PLXNA4: variants seen among roughly 807,000 people sequenced by gnomAD.
PLXNA4 encodes plexin-A4.
Under a neutral mutation model 191.8 loss-of-function variants are expected in PLXNA4, and 44 were observed. The observed-to-expected ratio is 0.23, with a 90% confidence interval of 0.18 to 0.29. PLXNA4 has a LOEUF of 0.29. Ranked by LOEUF, PLXNA4 falls within the 10% of genes least tolerant of loss-of-function variation. The probability of loss-of-function intolerance (pLI) is 1.00; values close to 1 mark genes in which losing one functional copy is unlikely to be tolerated. For missense variants in PLXNA4, 1,800 were observed against 2,488.8 expected, an observed-to-expected ratio of 0.72 and a Z score of 5.89; for synonymous variants, 1,082 against 1,009.5, an observed-to-expected ratio of 1.07 and a Z score of -1.36.
At chr7:132,317,981 C>T (rs1802011847) in intron 3 of PLXNA4, among the ~76,000 whole-genome samples, 1 of 152,220 alleles carries the variant, frequency 6.6e-6, no homozygotes, top group Non-Finnish European at 1.5e-5. Context: ...TCTGAGAGCG[C>T]AAGAATCTGT....
intron 2 of PLXNA4, among the ~76,000 whole-genome samples, chr7:132,506,316 T>C (rs986232324): frequency 6.6e-6 from 1 of 152,178 alleles, no homozygotes; most frequent in African/African-American, 2.4e-5. Flanking sequence ...AAAGGAAATT[T>C]ACACTTTTTT....
intron 3 of PLXNA4, among the ~76,000 whole-genome samples, chr7:132,413,026 T>G (rs1469139872): frequency 6.9e-6 from 1 of 145,338 alleles, no homozygotes. Flanking sequence ...AGATGGGGGG[T>G]GGAGAGAGAA....
intron 9 of PLXNA4, among the ~76,000 whole-genome samples, chr7:132,216,966 CA>C (rs1334294743): frequency 6.6e-6 from 1 of 152,172 alleles, no homozygotes; most frequent in Non-Finnish European, 1.5e-5. Flanking sequence ...ACATGCATGC[CA>C]AAAGAACCCA....
chr7:132,285,848 G>T (rs549345321), intron 4 of PLXNA4, among the ~76,000 whole-genome samples: 1 of 152,280 alleles, frequency 6.6e-6, no homozygotes, highest in East Asian at 1.9e-4. Flanking sequence ...GGGGACAGGG[G>T]AGTGGGTTGG....
chr7:132,304,459 C>T (rs903734237), intron 3 of PLXNA4, among the ~76,000 whole-genome samples: 1 of 152,164 alleles, frequency 6.6e-6, no homozygotes, highest in African/African-American at 2.4e-5. Context: ...TTTAATCTGA[C>T]CCAATATACC....
chr7:132,210,659 C>T (rs1054970678), intron 10 of PLXNA4, among the ~76,000 whole-genome samples: 22 of 152,192 alleles, frequency 1.4e-4, no homozygotes, highest in African/African-American at 4.1e-4. Flanking sequence ...CACAGCTCCA[C>T]GGCTGGTCCA....
In PLXNA4 at chr7:132,182,086, C is replaced by T. The variant is rs1318070488; in HGVS notation, c.3252+11G>A. ...GGCAGCCTCCATGAACCCCATCAGC[C>T]CTACACTCACATTGATGTGCTCCTT... On this transcript the variant is annotated intron_variant, in intron 17 of 31. Coordinates refer to ENST00000321063, the MANE Select transcript of PLXNA4 (RefSeq NM_020911.2). 1 of 1,614,148 alleles carries T rather than the reference C, an allele frequency of 6.2e-7. No individual in the cohort carries two copies.
chr7:132,445,835 T>C (rs1412798303), intron 3 of PLXNA4, among the ~76,000 whole-genome samples: 1 of 152,188 alleles, frequency 6.6e-6, no homozygotes, highest in Non-Finnish European at 1.5e-5. Context: ...CAGCCCTCAC[T>C]GTGTCCCCCC....
At chr7:132,563,782 T>C (rs867577685) in intron 1 of PLXNA4, among the ~76,000 whole-genome samples, 160 of 23,892 alleles carry the variant, frequency 6.7e-3, no homozygotes, top group African/African-American at 0.019. Context: ...CCTCCTCCTC[T>C]TCCTCCTCCT....
At chr7:132,519,835 C>T (rs535260442) in intron 1 of PLXNA4, among the ~76,000 whole-genome samples, 2 of 152,362 alleles carry the variant, frequency 1.3e-5, no homozygotes, top group African/African-American at 4.8e-5. Context: ...TAACCAGACA[C>T]GTCCTGCTAA....
intron 2 of PLXNA4, among the ~76,000 whole-genome samples, chr7:132,631,352 A>C (rs1469664366): frequency 6.6e-6 from 1 of 152,164 alleles, no homozygotes; most frequent in Non-Finnish European, 1.5e-5. Flanking sequence ...CCTTAGTCCT[A>C]TTGAGTCCTC....
At chr7:132,250,566 C>CA (rs1799212722) in intron 4 of PLXNA4, among the ~76,000 whole-genome samples, 1 of 152,146 alleles carries the variant, frequency 6.6e-6, no homozygotes, top group Non-Finnish European at 1.5e-5. Context: ...CACACAGGCT[C>CA]AGGAGGCCCG....
At chr7:132,342,960 A>AAAAC (rs1405637698) in intron 3 of PLXNA4, among the ~76,000 whole-genome samples, 10 of 151,252 alleles carry the variant, frequency 6.6e-5, no homozygotes, top group Admixed American at 6.6e-4. Context: ...AAAAAAAAAA[A>AAAAC]AGAAAAAAAA....
Position 132,595,042 on chromosome 7 carries a change from C to T in PLXNA4, c.-87+50886G>A, listed in dbSNP as rs572655954. 6.4e-3 allele frequency among the ~76,000 whole-genome samples: 946 copies of T among 147,816 alleles called. 16 individuals carry two copies. Among genetic ancestry groups the T allele is most frequent in the African/African-American group, 0.022 (861 of 38,896 alleles). On this transcript the variant is annotated intron_variant, in intron 2 of 4. Transcript: ENST00000378539. ...ATAGACAGACAGACAGACAGACAGA[C>T]AGATAGATAGAGAGCTTTGCTAGGC...
rs1797508613 is a variant in PLXNA4, at chr7:132,203,414, G to A, written c.2304C>T (p.Ser768=). The A allele has an allele frequency of 3.7e-6, 6 of 1,613,970 alleles. No individual in the cohort carries two copies. Among genetic ancestry groups the A allele is most frequent in the Non-Finnish European group, 5.1e-6 (6 of 1,179,964 alleles). ...SSVQCQNTSY[S]YEGMEINNLP... is the part of the protein sequence containing the mutation. ...GGTTGTTGATCTCCATCCCTTCATA[G>A]GAATACTGCAGCCAGGTCGGGGAGG... Residue 768 remains serine, a synonymous_variant, in exon 11 of 32, where the codon TCC becomes TCT. Transcript: ENST00000321063.
At chr7:132,646,766 T>C (rs1032184557) in intron 1 of PLXNA4, among the ~76,000 whole-genome samples, 24 of 152,122 alleles carry the variant, frequency 1.6e-4, no homozygotes, top group African/African-American at 5.6e-4. Flanking sequence ...GTTGAATGCA[T>C]GAAACTAGGC....
rs940256231 is a variant in PLXNA4 at position 132,273,816 on chromosome 7, G to A, written c.1503+24275C>T. 1.8e-4 allele frequency among the ~76,000 whole-genome samples: 28 copies of A among 152,300 alleles called. 2 individuals are homozygous for A. Among genetic ancestry groups the A allele is most frequent in the Admixed American group, 1.8e-3 (27 of 15,300 alleles). The stretch of plus-strand genomic sequence containing the variant: ...CTCCAGCTTTTAAAGTACTGAAGGG[G>A]CGTTAAGCAGCAACTAAAGTCCAGA... On this transcript the variant is annotated intron_variant, in intron 4 of 31. Coordinates refer to ENST00000321063, the MANE Select transcript of PLXNA4 (RefSeq NM_020911.2).
intron 2 of PLXNA4, among the ~76,000 whole-genome samples, chr7:132,606,761 G>T (rs184333743): frequency 6.6e-6 from 1 of 152,308 alleles, no homozygotes; most frequent in Admixed American, 6.5e-5. Flanking sequence ...TTAAGCCTGA[G>T]AAAAATTAGG....
At chr7:132,238,693 T>A (rs973108374) in intron 5 of PLXNA4, among the ~76,000 whole-genome samples, 1 of 151,658 alleles carries the variant, frequency 6.6e-6, no homozygotes, top group African/African-American at 2.4e-5. Context: ...ACTAAAGGGG[T>A]GAGGAGGATC....
Sources: gnomAD v4.1 joint callset for allele counts (sites outside exome capture counted in the v4.1 genomes callset) on GRCh38, gnomAD v4.1.1 for gene constraint, MANE v1.5 for transcripts, NCBI Gene and HGNC (gene_info 2026-07-23, HGNC 2026-07-21) for gene names.